Variants in SH3GL2 observed in about 807,000 individuals in gnomAD.
The protein encoded by SH3GL2 is endophilin-A1.
A neutral mutation model predicts 46.0 loss-of-function variants in SH3GL2; 24 were observed. The observed-to-expected ratio is 0.52, with a 90% CI of 0.38 to 0.73. The LOEUF (loss-of-function observed/expected upper bound fraction) is 0.73. Among genes scored for constraint, SH3GL2 ranks in the 30% least tolerant of loss-of-function variants. SH3GL2 has a pLI of 0.00. For synonymous variants in SH3GL2, 196 were observed against 147.1 expected (o/e 1.33, Z -2.40); for missense variants, 413 against 424.2 (o/e 0.97, Z 0.23).
Position 17,747,066 on chromosome 9 carries a change from A to T in SH3GL2, c.46A>T (p.Lys16Ter). 1 of 1,596,002 alleles carries T rather than the reference A, an allele frequency of 6.3e-7. No homozygotes were observed. Among genetic ancestry groups the T allele is most frequent in the Non-Finnish European group, 8.6e-7 (1 of 1,164,206 alleles). Residue 16 changes from lysine (K) to a stop codon, truncating the protein, a stop_gained and splice_region_variant, in exon 2 of 9, where the codon AAA becomes TAA. Coordinates refer to ENST00000380607, the MANE Select transcript of SH3GL2 (RefSeq NM_003026.5). LOFTEE classifies it high-confidence loss of function. ...LKKQFHKATQ[K>*]VSEKVGGAEG... ...TCTCCTTTGTGGTTATTTTCTACAG[A>T]AAGTGAGTGAGAAGGTTGGAGGAGC...
In SH3GL2 at chr9:17,730,493, A is replaced by G. The variant is rs533758259; in HGVS notation, c.46-16573A>G. Among the ~76,000 whole-genome samples the G allele has an allele frequency of 3.3e-5, 5 of 152,228 alleles. 1 individual carries two copies. Among genetic ancestry groups the G allele is most frequent in the African/African-American group, 9.6e-5 (4 of 41,556 alleles). On this transcript the variant is annotated intron_variant, in intron 1 of 8. Coordinates refer to ENST00000380607, the MANE Select transcript of SH3GL2 (RefSeq NM_003026.5). ...TGTCTTGGCCAGCACTTCCAATACTATGTTGAATAGGAGTGGTGAGAGAGG... is the reference window on the plus strand; with the variant it reads ...TGTCTTGGCCAGCACTTCCAATACTGTGTTGAATAGGAGTGGTGAGAGAGG...
intron 1 of SH3GL2, among the ~76,000 whole-genome samples, chr9:17,640,658 G>A (rs1819658138): frequency 1.3e-5 from 2 of 152,204 alleles, no homozygotes; most frequent in East Asian, 1.9e-4. Flanking sequence ...CAGAAGGCTG[G>A]TAGCTTTACT....
chr9:17,685,733 G>A (rs576860834), intron 1 of SH3GL2, among the ~76,000 whole-genome samples: 6 of 151,966 alleles, frequency 3.9e-5, no homozygotes, highest in African/African-American at 7.2e-5. Flanking sequence ...GTTTTTCTCA[G>A]GTTTGTCAAA....
chr9:17,744,104 T>C (rs1822613031), intron 1 of SH3GL2, among the ~76,000 whole-genome samples: 1 of 148,816 alleles, frequency 6.7e-6, no homozygotes, highest in Non-Finnish European at 1.5e-5. Flanking sequence ...GTAGAAAATA[T>C]TTTTTATTGT....
At chr9:17,735,886 A>G (rs1193445736) in intron 1 of SH3GL2, 4 of 232,760 alleles carry the variant, frequency 1.7e-5, no homozygotes, top group Admixed American at 6.5e-5. Context: ...CCTGTTACAT[A>G]CTTATACCCT....
At chr9:17,771,122 A>G (rs1319454486) in intron 3 of SH3GL2, among the ~76,000 whole-genome samples, 3 of 152,204 alleles carry the variant, frequency 2.0e-5, no homozygotes, top group Non-Finnish European at 4.4e-5. Context: ...TATTTCAAGC[A>G]TACAACTGTC....
chr9:17,619,523 C>G (rs191503353), intron 1 of SH3GL2, among the ~76,000 whole-genome samples: 1 of 152,000 alleles, frequency 6.6e-6, no homozygotes, highest in East Asian at 1.9e-4. Flanking sequence ...ACTAAAAATA[C>G]AAAAATTAGC....
intron 1 of SH3GL2, among the ~76,000 whole-genome samples, chr9:17,592,848 A>G (rs1400512971): frequency 4.6e-5 from 7 of 152,178 alleles, no homozygotes; most frequent in Non-Finnish European, 1.0e-4. Context: ...ACTGTTCACC[A>G]GAAAGACCAA....
chr9:17,680,498 C>A (rs144179523), intron 1 of SH3GL2, among the ~76,000 whole-genome samples: 2 of 151,824 alleles, frequency 1.3e-5, no homozygotes, highest in Non-Finnish European at 2.9e-5. Flanking sequence ...TTTTTTATTG[C>A]GTCTATTTGA....
intron 1 of SH3GL2, among the ~76,000 whole-genome samples, chr9:17,679,888 A>G: frequency 6.6e-6 from 1 of 152,148 alleles, no homozygotes; most frequent in Non-Finnish European, 1.5e-5. Flanking sequence ...TGAGATAATC[A>G]TGTGGTTTTT....
At chr9:17,710,855 C>T (rs1220982399) in intron 1 of SH3GL2, among the ~76,000 whole-genome samples, 1 of 151,830 alleles carries the variant, frequency 6.6e-6, no homozygotes, top group Non-Finnish European at 1.5e-5. Context: ...GTTCCAAAAT[C>T]CCCAATGTAT....
In SH3GL2 at chr9:17,612,212, G is replaced by T. The variant is rs576280029; in HGVS notation, c.45+32925G>T. 9.2e-5 allele frequency among the ~76,000 whole-genome samples: 14 copies of T among 152,298 alleles called. No homozygotes were observed. In the East Asian group the frequency reaches 2.7e-3, roughly 29 times the overall value. On this transcript the variant is annotated intron_variant, in intron 1 of 8. Transcript: ENST00000380607. ...AGAAGGAACAGGAACAGGAACAGAA[G>T]GCACAGAGGAACAGGGAGGAAAAGC...
chr9:17,756,235 T>C (rs534342848), intron 2 of SH3GL2, among the ~76,000 whole-genome samples: 1 of 152,326 alleles, frequency 6.6e-6, no homozygotes, highest in East Asian at 1.9e-4. Context: ...TTTTCAACCA[T>C]TTAAAGAAGT....
chr9:17,698,766 G>T (rs73422654), intron 1 of SH3GL2, among the ~76,000 whole-genome samples: 3,469 of 152,288 alleles, frequency 0.023, 140 homozygotes, highest in African/African-American at 0.08. Flanking sequence ...CACAAGTACA[G>T]ATGTTTCTAA....
intron 1 of SH3GL2, among the ~76,000 whole-genome samples, chr9:17,608,999 C>G (rs1309674565): frequency 6.6e-6 from 1 of 152,210 alleles, no homozygotes; most frequent in East Asian, 1.9e-4. Flanking sequence ...CGCTCTTTCA[C>G]TGATCCCAGC....
At chr9:17,615,446 G>A (rs1330168800) in intron 1 of SH3GL2, among the ~76,000 whole-genome samples, 1 of 151,988 alleles carries the variant, frequency 6.6e-6, no homozygotes, top group African/African-American at 2.4e-5. Flanking sequence ...CACGAGGCCG[G>A]GAGATTGAGA....
At chr9:17,784,297 T>C (rs1466922410) in intron 3 of SH3GL2, among the ~76,000 whole-genome samples, 3 of 152,174 alleles carry the variant, frequency 2.0e-5, no homozygotes, top group Non-Finnish European at 2.9e-5. Flanking sequence ...TTAAACTGTT[T>C]AGAATTACTT....
intron 1 of SH3GL2, among the ~76,000 whole-genome samples, chr9:17,715,640 T>C (rs1195827561): frequency 6.6e-6 from 1 of 151,992 alleles, no homozygotes; most frequent in African/African-American, 2.4e-5. Context: ...GACATTGTAT[T>C]TTTTTATGTC....
chr9:17,764,187 C>G (rs868465182), intron 3 of SH3GL2, among the ~76,000 whole-genome samples: 1 of 152,160 alleles, frequency 6.6e-6, no homozygotes, highest in African/African-American at 2.4e-5. Context: ...TATGGGCAGG[C>G]CACATACATA....
Sources: allele counts gnomAD v4.1 joint callset (sites outside exome capture counted in the v4.1 genomes callset), GRCh38; gene constraint gnomAD v4.1.1; transcripts MANE v1.5; gene names NCBI Gene and HGNC (gene_info 2026-07-23, HGNC 2026-07-21).